The following MROH7 variants were observed in gnomAD, a reference collection of about 807,000 sequenced individuals.
MROH7 encodes the protein maestro heat-like repeat-containing protein family member 7.
In MROH7, 113 loss-of-function variants were observed where a neutral mutation model predicts 129.2. The observed-to-expected ratio is 0.87, with a 90% CI of 0.75 to 1.02. The LOEUF (loss-of-function observed/expected upper bound fraction) is 1.02, where lower values mean the gene tolerates loss of function less well. Among genes scored for constraint, MROH7 ranks in the 50% least tolerant of loss-of-function variants. The probability of loss-of-function intolerance (pLI) is 0.00; values close to 1 mark genes in which losing one functional copy is unlikely to be tolerated. For synonymous variants in MROH7, 655 were observed against 667.9 expected (o/e 0.98, Z 0.30); for missense variants, 1,601 against 1,671.3 (o/e 0.96, Z 0.73).
intron 17 of MROH7, chr1:54,697,679 A>G (rs1250005039): frequency 5.7e-6 from 4 of 703,354 alleles, no homozygotes; most frequent in Non-Finnish European, 1.0e-5. Context: ...GAATTGTGAT[A>G]CTCATGCTTA....
chr1:54,709,956 C>T lies in MROH7; in HGVS notation c.3741C>T (p.Asn1247=). The T allele has an allele frequency of 1.9e-6, 3 of 1,612,696 alleles. No homozygotes were observed. The highest frequency in any genetic ancestry group is 2.5e-6 in the Non-Finnish European group (3 of 1,178,826). The change falls in exon 24 of 24, where the codon AAC becomes AAT. Residue 1247 remains asparagine, a synonymous_variant. Transcript: ENST00000421030. The stretch of plus-strand genomic sequence containing the variant: ...TTCCCCATGACGCAGCTCTGGATAA[C>T]TTGAGACATGACCCAGAAGCATCAG... ...RLNEVKAALD[N]LRHDPEASVC...
chr1:54,688,232 ATTT>A (rs903515362), intron 15 of MROH7, among the ~76,000 whole-genome samples: 2 of 132,268 alleles, frequency 1.5e-5, no homozygotes, highest in Non-Finnish European at 1.6e-5. Context: ...AAAAAAAAAA[ATTT>A]TTTTTTTTTT....
rs140753930 is a variant in MROH7, at chr1:54,703,640, G to A, written c.3564+895G>A. 1.4e-3 allele frequency among the ~76,000 whole-genome samples: 219 copies of A among 152,148 alleles called. No individual in the cohort carries two copies. The highest frequency in any genetic ancestry group is 2.1e-3 in the Non-Finnish European group (143 of 68,004). On this transcript the variant is annotated intron_variant, in intron 21 of 23. Transcript: ENST00000421030. The surrounding 1 kb of genome is among the most constrained non-coding windows in gnomAD (Gnocchi z 4.4). ...AGGAGCAAGCCGCGTGCATGTGCGCGCGCGCATACACACACACACACAAGC... is the reference window on the plus strand; with the variant it reads ...AGGAGCAAGCCGCGTGCATGTGCGCACGCGCATACACACACACACACAAGC...
rs1008359935 is a variant in MROH7, at chr1:54,642,931, C to G, written c.-110+963C>G. On this transcript the variant is annotated intron_variant, in intron 1 of 23. Transcript: ENST00000421030. ...TGCCTGGCCAGAAATAACTAGATTC[C>G]TGCACAGTCTGAACTAACATGCCAA... Among the ~76,000 whole-genome samples the G allele has an allele frequency of 1.4e-4, 22 of 152,208 alleles. 1 individual carries two copies. The highest frequency in any genetic ancestry group is 2.9e-5 in the Non-Finnish European group (2 of 68,028).
At position 54,695,360 on chromosome 1, in the gene MROH7, C is replaced by G. The variant is rs1194845449; in HGVS notation, c.2850-16C>G. 6.5e-7 allele frequency: 1 copy of G among 1,542,128 alleles called. No individual in the cohort carries two copies. Among genetic ancestry groups the G allele is most frequent in the Non-Finnish European group, 8.9e-7 (1 of 1,120,182 alleles). ...GCTGGATACCTGAGGGGACTACTCC[C>G]CCTTCCCACCCCCAGGGCCATGGTG... On this transcript the variant is annotated splice_polypyrimidine_tract_variant and intron_variant, in intron 16 of 23. Coordinates refer to ENST00000421030, the MANE Select transcript of MROH7 (RefSeq NM_001039464.4).
At position 54,654,031 on chromosome 1, in the gene MROH7, C is replaced by T. The variant is rs775501526; in HGVS notation, c.1105C>T (p.Pro369Ser). 3.7e-6 allele frequency: 6 copies of T among 1,614,192 alleles called. No homozygotes were observed. Among genetic ancestry groups the T allele is most frequent in the Non-Finnish European group, 4.2e-6 (5 of 1,180,024 alleles). ...CAAGGACAACAGCATCCACACTGTG[C>T]CCCTGGAGGAGAATCTGGAGAGTTG... Reference protein sequence around the residue: ...DAKDNSIHTVPLEENLESWSE... With the variant: ...DAKDNSIHTVSLEENLESWSE... Residue 369 changes from proline (P) to serine (S), a missense_variant, in exon 3 of 24, where the codon CCC (proline) becomes TCC (serine). Coordinates refer to ENST00000421030, the MANE Select transcript of MROH7 (RefSeq NM_001039464.4).
intron 1 of MROH7, among the ~76,000 whole-genome samples, chr1:54,650,605 CCTT>C (rs1420819365): frequency 1.3e-5 from 2 of 151,812 alleles, no homozygotes; most frequent in South Asian, 2.1e-4. Flanking sequence ...CTCCTTTCTT[CCTT>C]CTTCTCTTCC....
chr1:54,663,695 A>C (rs990901881), intron 3 of MROH7: 91 of 399,808 alleles, frequency 2.3e-4, no homozygotes, highest in Middle Eastern at 1.2e-3. Context: ...TAAAAAAAAA[A>C]AAAAAACAAA....
Position 54,654,068 on chromosome 1 carries a change from C to G in MROH7, c.1142C>G (p.Ala381Gly). Residue 381 changes from alanine to glycine, a missense_variant, in exon 3 of 24, where the codon GCC becomes GGC. Transcript: ENST00000421030. ...EENLESWSEM[A>G]SIKVGQFPLG... The stretch of plus-strand genomic sequence containing the variant: ...AATCTGGAGAGTTGGAGTGAGATGG[C>G]CAGCATTAAGGTGGGCCAGTTCCCG... 6.2e-7 allele frequency: 1 copy of G among 1,614,096 alleles called. No homozygotes were observed. The highest frequency in any genetic ancestry group is 8.5e-7 in the Non-Finnish European group (1 of 1,180,006).
intron 9 of MROH7, 74 bp from the exon 10 acceptor site, chr1:54,673,942 A>T: frequency 6.4e-7 from 1 of 1,570,712 alleles, no homozygotes; most frequent in Non-Finnish European, 8.7e-7. Flanking sequence ...CAGACTATCC[A>T]CCGGTGTTCA....
At chr1:54,685,104 C>A (rs930517628) in intron 14 of MROH7, among the ~76,000 whole-genome samples, 1 of 152,132 alleles carries the variant, frequency 6.6e-6, no homozygotes, top group South Asian at 2.1e-4. Flanking sequence ...AACCCCTCCA[C>A]CTCCCGGGTT....
At chr1:54,700,983 G>A (rs1000566167) in intron 18 of MROH7, among the ~76,000 whole-genome samples, 160 bp from the exon 19 acceptor site, 2 of 152,266 alleles carry the variant, frequency 1.3e-5, no homozygotes, top group Non-Finnish European at 2.9e-5. Flanking sequence ...GGAGCAGCAA[G>A]AGGTTGGGTG....
In MROH7 at chr1:54,653,410, A is replaced by C. The variant is rs1023048326; in HGVS notation, c.484A>C (p.Lys162Gln). ...CAAGTGCCTCTCAAGTAAGATTTTC[A>C]AGTTGGGTCAGAGAAACTCCAACCC... ...AFKCLSSKIF[K>Q]LGQRNSNPSR... Residue 162 changes from lysine to glutamine, a missense_variant, in exon 3 of 24, where the codon AAG (lysine) becomes CAG (glutamine). By Grantham distance (53) the Lys-to-Gln change is moderately conservative. Coordinates refer to ENST00000421030, the MANE Select transcript of MROH7 (RefSeq NM_001039464.4). 7 of 1,614,084 alleles carry C rather than the reference A, an allele frequency of 4.3e-6. No individual in the cohort carries two copies. The African/African-American group carries it at 9.3e-5, about 22-fold the overall frequency.
chr1:54,657,956 T>C (rs964532574), intron 3 of MROH7, among the ~76,000 whole-genome samples: 1 of 152,170 alleles, frequency 6.6e-6, no homozygotes, highest in Admixed American at 6.5e-5. Flanking sequence ...CCACCATGAC[T>C]GGCCAGCCAT....
intron 1 of MROH7, among the ~76,000 whole-genome samples, chr1:54,648,338 T>A (rs758361898): frequency 2.3e-3 from 175 of 77,440 alleles, no homozygotes; most frequent in Non-Finnish European, 5.1e-3. Flanking sequence ...GCATGCAATT[T>A]TATTTATTTA....
chr1:54,700,486 T>C, intron 18 of MROH7, 25 bp downstream of exon 18: 1 of 1,550,204 alleles, frequency 6.5e-7, no homozygotes, highest in African/African-American at 1.4e-5. Flanking sequence ...GAGGAAAGCC[T>C]GGCCCAGCCA....
At chr1:54,670,968 C>G (rs1298347096) in intron 7 of MROH7, 39 bp downstream of exon 7, 1 of 1,554,694 alleles carries the variant, frequency 6.4e-7, no homozygotes, top group South Asian at 1.2e-5. Flanking sequence ...CAGGGCTGGC[C>G]CATGTTCTGG....
At chr1:54,659,547 G>A (rs900441617) in intron 3 of MROH7, among the ~76,000 whole-genome samples, 10 of 151,512 alleles carry the variant, frequency 6.6e-5, no homozygotes, top group East Asian at 1.9e-4. Context: ...CTCTGCCTCC[G>A]GGTTCAAGCA....
At chr1:54,642,791 T>G (rs1160127101) in intron 1 of MROH7, among the ~76,000 whole-genome samples, 1 of 151,780 alleles carries the variant, frequency 6.6e-6, no homozygotes, top group Non-Finnish European at 1.5e-5. Context: ...ATTTTTGTAT[T>G]TTTTGTAGTG....
Sources: allele counts gnomAD v4.1 joint callset (sites outside exome capture counted in the v4.1 genomes callset), GRCh38; gene constraint gnomAD v4.1.1; non-coding constraint Gnocchi (gnomAD v3.1); transcripts MANE v1.5; gene names NCBI Gene and HGNC (gene_info 2026-07-23, HGNC 2026-07-21).